The following PSORS1C1 variants were observed in gnomAD, a reference collection of about 807,000 sequenced individuals.
PSORS1C1 encodes psoriasis susceptibility 1 candidate 1, also known as psoriasis susceptibility 1 candidate gene 1 protein.
In PSORS1C1, 7 loss-of-function variants were observed where a neutral mutation model predicts 9.4. The observed-to-expected ratio is 0.75, with a 90% CI of 0.42 to 1.40. PSORS1C1 has a LOEUF of 1.40. PSORS1C1 is among the 40% of genes most tolerant of loss of function. The probability of loss-of-function intolerance (pLI) is 0.01; values close to 1 mark genes in which losing one functional copy is unlikely to be tolerated. For missense variants in PSORS1C1, 146 were observed against 178.1 expected, an observed-to-expected ratio of 0.82 and a Z score of 1.02; for synonymous variants, 63 against 69.4, an observed-to-expected ratio of 0.91 and a Z score of 0.46.
At chr6:31,137,691 G>A (rs1739397139) in intron 3 of PSORS1C1, 1 of 378,664 alleles carries the variant, frequency 2.6e-6, no homozygotes, top group African/African-American at 2.1e-5. Flanking sequence ...GGTAGGTGCG[G>A]CCGAGGCCTG....
At chr6:31,129,443 T>C (rs983363423) in intron 2 of PSORS1C1, 126 bp from the exon 3 acceptor site, 1 of 618,966 alleles carries the variant, frequency 1.6e-6, no homozygotes, top group East Asian at 2.7e-5. Context: ...CCACTCAGTC[T>C]CCTCCCCAGC....
chr6:31,139,088 G>A lies in PSORS1C1; in HGVS notation c.167+309G>A. ...GTCTGGGTGCCTGGGAACCCCAAGA[G>A]GCTTTATAGGGGAGGAGTGGAGGAG... On this transcript the variant is annotated intron_variant, in intron 5 of 5. Coordinates refer to ENST00000259881, the MANE Select transcript of PSORS1C1 (RefSeq NM_014068.3). This position sits in a 1 kb window ranked among gnomAD's most constrained non-coding sequence, Gnocchi z 5.2. 3.5e-6 allele frequency: 5 copies of A among 1,429,464 alleles called. No homozygotes were observed. Among genetic ancestry groups the A allele is most frequent in the Non-Finnish European group, 4.9e-6 (5 of 1,013,890 alleles). The allele number at this position is 1,429,464 out of a possible 1,614,324, so 88.5% of individuals were successfully genotyped here.
At position 31,139,352 on chromosome 6, in the gene PSORS1C1, G is replaced by C. The variant is rs1474942878; in HGVS notation, c.168-289G>C. 1.0e-5 allele frequency: 6 copies of C among 586,414 alleles called. No homozygotes were observed. Among genetic ancestry groups the C allele is most frequent in the Non-Finnish European group, 1.5e-5 (5 of 329,244 alleles). 36.3% of individuals were successfully genotyped at this position (586,414 alleles called of 1,614,324 possible). A position where few individuals can be genotyped will look rare whatever the true frequency, so the allele number is the denominator to read the frequency against. On this transcript the variant is annotated intron_variant, in intron 5 of 5. Transcript: ENST00000259881. The surrounding 1 kb of genome is among the most constrained non-coding windows in gnomAD (Gnocchi z 5.2). ...CCCACTTGGCATCTCCGTAATCACAGAGATGTCCACCTTCATCCCTTGCAA... is the reference window on the plus strand; with the variant it reads ...CCCACTTGGCATCTCCGTAATCACACAGATGTCCACCTTCATCCCTTGCAA...
At chr6:31,117,655 T>A in intron 1 of PSORS1C1, 1 of 791,348 alleles carries the variant, frequency 1.3e-6, no homozygotes, top group Non-Finnish European at 2.1e-6. Flanking sequence ...AGTTTAGGGA[T>A]GGAGAAAGGA....
chr6:31,129,036 AAAGCAGGGCAGAC>A (rs1388789518), intron 2 of PSORS1C1, among the ~76,000 whole-genome samples: 1 of 152,214 alleles, frequency 6.6e-6, no homozygotes, highest in Admixed American at 6.5e-5. Flanking sequence ...AGAGAGCTTC[AAAGCAGGGCAGAC>A]AACCATCTCT....
rs1280677466 is a variant in PSORS1C1, at chr6:31,114,898, A to G, written c.-229+7A>G. ...AGAGGATGGCATCTAGAAGGTGAGGAATGCTAATGGTGGAAGAAAAGGAGT... is the reference window on the plus strand; with the variant it reads ...AGAGGATGGCATCTAGAAGGTGAGGGATGCTAATGGTGGAAGAAAAGGAGT... On this transcript the variant is annotated splice_region_variant and intron_variant, in intron 1 of 5. Transcript: ENST00000259881. The G allele has an allele frequency of 2.2e-6, 1 of 452,248 alleles. No homozygotes were observed. Among genetic ancestry groups the G allele is most frequent in the Non-Finnish European group, 4.4e-6 (1 of 225,616 alleles). The allele number at this position is 452,248 out of a possible 1,614,324, so 28.0% of individuals were successfully genotyped here.
chr6:31,131,450 A>G (rs1772909267), intron 3 of PSORS1C1, among the ~76,000 whole-genome samples: 1 of 152,078 alleles, frequency 6.6e-6, no homozygotes, highest in Non-Finnish European at 1.5e-5. Flanking sequence ...TACAAAAATT[A>G]GCCAGGTATG....
chr6:31,137,520 G>A (rs1773202462), intron 3 of PSORS1C1: 1 of 182,572 alleles, frequency 5.5e-6, no homozygotes, highest in Admixed American at 6.2e-5. Context: ...TAAAGCAGCA[G>A]CCTAGATTCA....
chr6:31,134,480 A>AT (rs374975101), intron 3 of PSORS1C1, among the ~76,000 whole-genome samples: 1 of 148,932 alleles, frequency 6.7e-6, no homozygotes, highest in Non-Finnish European at 1.5e-5. Flanking sequence ...TTTTTTTTGT[A>AT]TTTTTTAGTA....
chr6:31,119,528 T>C (rs9263671), intron 1 of PSORS1C1, among the ~76,000 whole-genome samples: 138,553 of 152,092 alleles, frequency 0.91, 63,263 homozygotes, highest in East Asian at 0.98. Flanking sequence ...CTTTCCTAAC[T>C]TCTCTGAGCC....
chr6:31,135,883 A>T (rs921628521), intron 3 of PSORS1C1, among the ~76,000 whole-genome samples: 4 of 152,226 alleles, frequency 2.6e-5, no homozygotes, highest in East Asian at 1.9e-4. Context: ...AAAACAAAAC[A>T]AAACTAAACT....
At chr6:31,138,116 C>G in intron 3 of PSORS1C1, 1 of 1,603,706 alleles carries the variant, frequency 6.2e-7, no homozygotes. Flanking sequence ...GTTCAGGGAG[C>G]CAGACTCCAG....
intron 1 of PSORS1C1, chr6:31,120,400 G>T: frequency 6.3e-7 from 1 of 1,591,352 alleles, no homozygotes; most frequent in Non-Finnish European, 8.6e-7. Context: ...CCCCATCCAG[G>T]GTGCCCGAGA....
At chr6:31,122,658 A>G (rs1299390563) in intron 1 of PSORS1C1, among the ~76,000 whole-genome samples, 1 of 152,182 alleles carries the variant, frequency 6.6e-6, no homozygotes, top group East Asian at 1.9e-4. Context: ...GGGCGCCTGT[A>G]ATCCCTGCTA....
chr6:31,116,553 G>A (rs1772138374), intron 1 of PSORS1C1: 1 of 1,613,870 alleles, frequency 6.2e-7, no homozygotes, highest in Non-Finnish European at 8.5e-7. Context: ...GGATGATGGG[G>A]TTGCTGGAGA....
chr6:31,137,625 A>C, intron 3 of PSORS1C1: 1 of 332,574 alleles, frequency 3.0e-6, no homozygotes, highest in Non-Finnish European at 5.4e-6. Flanking sequence ...GGCAGAAGGG[A>C]ACACAGTACC....
chr6:31,121,008 C>T (rs1368234536), intron 1 of PSORS1C1, among the ~76,000 whole-genome samples: 1 of 151,922 alleles, frequency 6.6e-6, no homozygotes, highest in Admixed American at 6.6e-5. Context: ...ATCCCCCAGG[C>T]TCCCCCTCCC....
Position 31,114,849 on chromosome 6 carries a change from G to A in PSORS1C1, c.-271G>A, listed in dbSNP as rs545166904. The stretch of plus-strand genomic sequence containing the variant: ...GCTTCCAGGTGTCCCAGAAACCCAG[G>A]AAATCGAGACTCATGACTCCCAGAG... On this transcript the variant is annotated 5_prime_UTR_variant, in exon 1 of 6. Coordinates refer to ENST00000259881, the MANE Select transcript of PSORS1C1 (RefSeq NM_014068.3). The A allele has an allele frequency of 8.2e-5, 37 of 453,392 alleles. No homozygotes were observed. Among genetic ancestry groups the A allele is most frequent in the Middle Eastern group, 3.3e-4 (1 of 3,072 alleles). The allele number at this position is 453,392 out of a possible 1,614,324, so 28.1% of individuals were successfully genotyped here. A position where few individuals can be genotyped will look rare whatever the true frequency, so the allele number is the denominator to read the frequency against.
intron 3 of PSORS1C1, chr6:31,133,784 C>A (rs947907654): frequency 2.6e-5 from 4 of 152,112 alleles, no homozygotes; most frequent in Admixed American, 2.6e-4. Context: ...TATTTATATT[C>A]TTATATTCTC....
Sources: allele counts gnomAD v4.1 joint callset (sites outside exome capture counted in the v4.1 genomes callset), GRCh38; gene constraint gnomAD v4.1.1; non-coding constraint Gnocchi (gnomAD v3.1); transcripts MANE v1.5; gene names NCBI Gene and HGNC (gene_info 2026-07-23, HGNC 2026-07-21).